Variants in PSD3 observed in about 807,000 individuals in gnomAD.
PSD3 encodes PH and SEC7 domain-containing protein 3.
A neutral mutation model predicts 105.5 loss-of-function variants in PSD3; 49 were observed. The observed-to-expected ratio is 0.46, with a 90% CI of 0.37 to 0.59. The LOEUF (loss-of-function observed/expected upper bound fraction) is 0.59, where lower values mean the gene tolerates loss of function less well. Among genes scored for constraint, PSD3 ranks in the 20% least tolerant of loss-of-function variants. PSD3 has a pLI of 0.00. For synonymous variants in PSD3, 557 were observed against 457.8 expected (o/e 1.22, Z -2.77); for missense variants, 1,561 against 1,263.8 (o/e 1.24, Z -3.57).
In PSD3 at chr8:18,921,343, G is replaced by A. The variant is rs557731059; in HGVS notation, c.130+14691C>T. ...AGTAAATTATCTTTTAAAACACAATGGTTCTCGAGCCTGTATGTGCATGAC... is the reference window on the plus strand; with the variant it reads ...AGTAAATTATCTTTTAAAACACAATAGTTCTCGAGCCTGTATGTGCATGAC... On this transcript the variant is annotated intron_variant, in intron 2 of 15. Transcript: ENST00000327040. 2.6e-5 allele frequency among the ~76,000 whole-genome samples: 4 copies of A among 152,322 alleles called. No individual in the cohort carries two copies. In the South Asian group the frequency reaches 8.3e-4, roughly 32 times the overall value.
At chr8:18,946,994 C>T (rs553925492) in intron 1 of PSD3, among the ~76,000 whole-genome samples, 3 of 151,268 alleles carry the variant, frequency 2.0e-5, no homozygotes, top group South Asian at 4.2e-4. Flanking sequence ...TGACATACAC[C>T]TGCACATAAA....
At chr8:18,907,651 C>T (rs1020920932) in intron 2 of PSD3, among the ~76,000 whole-genome samples, 2 of 152,292 alleles carry the variant, frequency 1.3e-5, no homozygotes, top group Admixed American at 1.3e-4. Flanking sequence ...GTCTCATATA[C>T]CATATAATCT....
intron 10 of PSD3, among the ~76,000 whole-genome samples, chr8:18,636,681 T>C (rs952092117): frequency 6.6e-6 from 1 of 152,232 alleles, no homozygotes; most frequent in Admixed American, 6.5e-5. Context: ...TAATGCCATA[T>C]TTGTTGCTGT....
intron 2 of PSD3, among the ~76,000 whole-genome samples, chr8:18,886,477 C>T (rs957826873): frequency 1.3e-5 from 2 of 152,096 alleles, no homozygotes; most frequent in Non-Finnish European, 2.9e-5. Context: ...CCTACTGGGA[C>T]GCTCGAAAGA....
intron 1 of PSD3, among the ~76,000 whole-genome samples, chr8:19,031,931 T>A (rs543204091): frequency 1.1e-4 from 16 of 152,214 alleles, no homozygotes; most frequent in Non-Finnish European, 2.1e-4. Context: ...AACATCATAA[T>A]ATTTTACTTT....
rs375527035 is a variant in PSD3 at position 18,902,266 on chromosome 8, C to A, written c.131-29533G>T. Among the ~76,000 whole-genome samples, 10 of 152,156 alleles carry A rather than the reference C, an allele frequency of 6.6e-5. 1 individual carries two copies. In the East Asian group the frequency reaches 1.9e-3, roughly 29 times the overall value. On this transcript the variant is annotated intron_variant, in intron 2 of 15. Coordinates refer to ENST00000327040, the MANE Select transcript of PSD3 (RefSeq NM_015310.4). ...CAGAGATTCTTACGCTTGATCAAGT[C>A]TTCTATTGAAGGTCTCTGCTGTATT...
intron 2 of PSD3, among the ~76,000 whole-genome samples, chr8:18,916,241 C>T (rs1322063213): frequency 7.0e-6 from 1 of 143,622 alleles, no homozygotes; most frequent in Non-Finnish European, 1.5e-5. Flanking sequence ...TCACAAGAGC[C>T]AAGATATGAA....
chr8:18,817,282 C>T (rs2129448908), intron 4 of PSD3, among the ~76,000 whole-genome samples: 1 of 152,230 alleles, frequency 6.6e-6, no homozygotes, highest in South Asian at 2.1e-4. Flanking sequence ...TGTTAGCTTC[C>T]AAAGTTCGTG....
chr8:18,616,563 G>C (rs1805682662), intron 11 of PSD3, among the ~76,000 whole-genome samples: 1 of 151,698 alleles, frequency 6.6e-6, no homozygotes, highest in Admixed American at 6.6e-5. Flanking sequence ...ACCTACTTGT[G>C]AGATTTCATT....
chr8:18,638,812 G>A (rs191061484), intron 10 of PSD3, among the ~76,000 whole-genome samples: 219 of 152,264 alleles, frequency 1.4e-3, no homozygotes, highest in Non-Finnish European at 2.1e-3. Context: ...CAAAGCTGGA[G>A]GCATAGTTTT....
Position 18,758,719 on chromosome 8 carries a change from C to A in PSD3, c.2172+6730G>T, listed in dbSNP as rs370675593. ...TTTGAGTCTGTTTAAATTCTACCTT[C>A]TTGGCTAATTACTCCATCATTTTCA... On this transcript the variant is annotated intron_variant, in intron 9 of 15. Transcript: ENST00000327040. Among the ~76,000 whole-genome samples, 20 of 152,200 alleles carry A rather than the reference C, an allele frequency of 1.3e-4. No individual in the cohort carries two copies. The South Asian group carries it at 3.9e-3, about 30-fold the overall frequency.
At chr8:19,050,962 A>T (rs1828507536) in intron 1 of PSD3, among the ~76,000 whole-genome samples, 1 of 152,174 alleles carries the variant, frequency 6.6e-6, no homozygotes, top group Admixed American at 6.5e-5. Context: ...AGCCTCAGAA[A>T]GGAAAGAGAG....
At chr8:18,994,284 TG>T (rs1825949157) in intron 1 of PSD3, among the ~76,000 whole-genome samples, 2 of 152,158 alleles carry the variant, frequency 1.3e-5, no homozygotes, top group African/African-American at 2.4e-5. Flanking sequence ...TCAACATGTT[TG>T]TATTCTCTGC....
chr8:18,853,576 T>A (rs1292013578), intron 4 of PSD3, among the ~76,000 whole-genome samples: 1 of 152,176 alleles, frequency 6.6e-6, no homozygotes, highest in Non-Finnish European at 1.5e-5. Flanking sequence ...TTTCATTAGA[T>A]AACTGGTTAA....
At chr8:18,763,633 AAGGAAGGC>A (rs1806727717) in intron 9 of PSD3, among the ~76,000 whole-genome samples, 1 of 152,180 alleles carries the variant, frequency 6.6e-6, no homozygotes, top group South Asian at 2.1e-4. Context: ...ACCAGGAGAA[AAGGAAGGC>A]AGGAAGAAAG....
chr8:18,566,328 C>T (rs535133626), intron 14 of PSD3, among the ~76,000 whole-genome samples: 1 of 152,068 alleles, frequency 6.6e-6, no homozygotes, highest in African/African-American at 2.4e-5. Context: ...AGTTCGAGAC[C>T]ATCATTGCTA....
At chr8:18,838,397 C>G (rs1246917655) in intron 4 of PSD3, among the ~76,000 whole-genome samples, 6 of 152,198 alleles carry the variant, frequency 3.9e-5, no homozygotes, top group African/African-American at 1.4e-4. Flanking sequence ...AAAAGCATTT[C>G]TGCGCTTCAT....
rs972621134 is a variant in PSD3, at chr8:18,684,082, G to A, written c.2173-28397C>T. 9 of 581,712 alleles carry A rather than the reference G, an allele frequency of 1.5e-5. No homozygotes were observed. The African/African-American group carries it at 1.7e-4, about 11-fold the overall frequency. 36.0% of individuals were successfully genotyped at this position (581,712 alleles called of 1,614,324 possible). ...GCGTTAGCTTAAGAAGCACCAGGCT[G>A]CCTCCCCCAGCATCTTCAACTACCC... On this transcript the variant is annotated intron_variant, in intron 9 of 15. Transcript: ENST00000327040.
At chr8:18,776,258 C>CTATA (rs1373772513) in intron 8 of PSD3, among the ~76,000 whole-genome samples, 1 of 141,122 alleles carries the variant, frequency 7.1e-6, no homozygotes, top group Non-Finnish European at 1.5e-5. Flanking sequence ...CTCTCTCTCT[C>CTATA]TCTATATATA....
Sources: allele counts gnomAD v4.1 joint callset (sites outside exome capture counted in the v4.1 genomes callset), GRCh38; gene constraint gnomAD v4.1.1; transcripts MANE v1.5; gene names NCBI Gene and HGNC (gene_info 2026-07-23, HGNC 2026-07-21).